The following SH3D19 variants were observed in gnomAD, a reference collection of about 807,000 sequenced individuals.
The protein encoded by SH3D19 is SH3 domain-containing protein 19.
Under a neutral mutation model 112.1 loss-of-function variants are expected in SH3D19, and 58 were observed. The ratio of observed to expected loss-of-function variants is 0.52; its 90% CI spans 0.42 to 0.64. SH3D19 has a LOEUF of 0.64. SH3D19 is among the 30% of genes least tolerant of loss of function. The pLI is 0.00. For missense variants in SH3D19, 1,090 were observed against 1,263.4 expected (o/e 0.86, Z 2.08); for synonymous variants, 391 against 448.5 (o/e 0.87, Z 1.62).
chr4:151,277,117 C>T, intron 1 of SH3D19: 1 of 1,318,406 alleles, frequency 7.6e-7, no homozygotes, highest in African/African-American at 1.5e-5. Flanking sequence ...TTGGCCTCTT[C>T]CTGGGAGCCT....
At position 151,252,042 on chromosome 4, in the gene SH3D19, T is replaced by C. The variant is rs796417617; in HGVS notation, c.113-25956A>G. On this transcript the variant is annotated intron_variant, in intron 1 of 19. Coordinates refer to ENST00000604030, the MANE Select transcript of SH3D19 (RefSeq NM_001378122.1). ...TGTGCCCATTGCCTTTGTTCCTGTGTAGGAAAATCCGTCTGTGTTCCAATC... is the reference window on the plus strand; with the variant it reads ...TGTGCCCATTGCCTTTGTTCCTGTGCAGGAAAATCCGTCTGTGTTCCAATC... Among the ~76,000 whole-genome samples, 6 of 152,202 alleles carry C rather than the reference T, an allele frequency of 3.9e-5. No homozygotes were observed. In the South Asian group the frequency reaches 8.3e-4, roughly 21 times the overall value.
Position 151,128,156 on chromosome 4 carries a change from T to C in SH3D19, c.2929+14A>G, listed in dbSNP as rs755299460. ...CCCGTGAGGAGTCGCATTCATGTCT[T>C]GCGGTTGTCATACCTGGGCAGGGCC... On this transcript the variant is annotated intron_variant, in intron 18 of 19. Coordinates refer to ENST00000604030, the MANE Select transcript of SH3D19 (RefSeq NM_001378122.1). The C allele has an allele frequency of 1.1e-4, 169 of 1,583,386 alleles. No homozygotes were observed. The highest frequency in any genetic ancestry group is 1.1e-5 in the Non-Finnish European group (13 of 1,165,056).
intron 1 of SH3D19, among the ~76,000 whole-genome samples, chr4:151,284,601 T>C (rs1459525639): frequency 6.6e-6 from 1 of 152,222 alleles, no homozygotes; most frequent in African/African-American, 2.4e-5. Flanking sequence ...CTTTTTCTCA[T>C]GAGTAGCATT....
At chr4:151,262,745 T>G (rs1481428205) in intron 1 of SH3D19, 1 of 151,956 alleles carries the variant, frequency 6.6e-6, no homozygotes, top group Admixed American at 6.6e-5. Flanking sequence ...TGTGTCAAGT[T>G]GAAGATTTCT....
chr4:151,156,343 C>G (rs1055676720), intron 9 of SH3D19, among the ~76,000 whole-genome samples: 1 of 152,058 alleles, frequency 6.6e-6, no homozygotes. Flanking sequence ...TGTACGGAAC[C>G]GCAAAAGGCC....
chr4:151,169,586 T>C (rs1210071092), intron 7 of SH3D19, among the ~76,000 whole-genome samples: 1 of 152,198 alleles, frequency 6.6e-6, no homozygotes, highest in African/African-American at 2.4e-5. Context: ...GTTCACTTTT[T>C]ATGTCTTTTC....
At chr4:151,322,497 TGCC>T in intron 1 of SH3D19, among the ~76,000 whole-genome samples, 1 of 96,304 alleles carries the variant, frequency 1.0e-5, no homozygotes, top group South Asian at 3.3e-4. Flanking sequence ...CCTATAATTC[TGCC>T]AAAAAAAAAA....
intron 1 of SH3D19, among the ~76,000 whole-genome samples, chr4:151,244,028 C>G (rs539390473): frequency 6.6e-6 from 1 of 152,292 alleles, no homozygotes; most frequent in South Asian, 2.1e-4. Context: ...AAAGCATTAT[C>G]AGGTGTTGAT....
intron 1 of SH3D19, among the ~76,000 whole-genome samples, chr4:151,286,196 A>C (rs1176782884): frequency 6.7e-6 from 1 of 150,052 alleles, no homozygotes; most frequent in South Asian, 2.1e-4. Flanking sequence ...AAAAAAAAAA[A>C]AAAAAAAACA....
chr4:151,144,049 C>A lies in SH3D19; in HGVS notation c.2084G>T (p.Arg695Leu), dbSNP rs75521643. ...PGHPLYSKYM[R>L]GDVLVMLKQT... is the part of the protein sequence containing the mutation. Reference sequence around the variant, plus strand: ...CTTCAGCATCACAAGTACATCCCCACGCTGCAAGGTACAATACCACTCTCT... The same window carrying A: ...CTTCAGCATCACAAGTACATCCCCAAGCTGCAAGGTACAATACCACTCTCT... The change falls in exon 12 of 20, where the codon CGT (arginine) becomes CTT (leucine). Residue 695 changes from arginine to leucine, a missense_variant and splice_region_variant. Physicochemically the swap from Arg to Leu is moderately radical, Grantham distance 102. Transcript: ENST00000604030. 1.9e-6 allele frequency: 3 copies of A among 1,613,368 alleles called. No individual in the cohort carries two copies. The highest frequency in any genetic ancestry group is 1.7e-5 in the Admixed American group (1 of 59,816).
chr4:151,262,128 C>G (rs17027491), intron 1 of SH3D19, among the ~76,000 whole-genome samples: 1 of 152,226 alleles, frequency 6.6e-6, no homozygotes, highest in East Asian at 1.9e-4. Flanking sequence ...CAACTGCCCA[C>G]GGTCTTGTTC....
intron 3 of SH3D19, among the ~76,000 whole-genome samples, chr4:151,179,885 T>A (rs770475531): frequency 1.3e-5 from 2 of 152,228 alleles, no homozygotes; most frequent in Non-Finnish European, 2.9e-5. Context: ...TAAGTTGTTT[T>A]ATTATTTATT....
intron 8 of SH3D19, among the ~76,000 whole-genome samples, chr4:151,164,484 A>T (rs917067365): frequency 1.3e-5 from 2 of 152,276 alleles, no homozygotes; most frequent in South Asian, 4.1e-4. Flanking sequence ...TGAAGTACTT[A>T]TTAAAGCTCC....
chr4:151,305,124 C>T (rs1328744066), intron 1 of SH3D19, among the ~76,000 whole-genome samples: 1 of 152,166 alleles, frequency 6.6e-6, no homozygotes, highest in Non-Finnish European at 1.5e-5. Flanking sequence ...TAACAAGCAG[C>T]AATAACAAAC....
At chr4:151,185,540 C>A (rs1761649394) in intron 3 of SH3D19, among the ~76,000 whole-genome samples, 1 of 152,146 alleles carries the variant, frequency 6.6e-6, no homozygotes, top group African/African-American at 2.4e-5. Flanking sequence ...CCACCCACAA[C>A]CCAAGGGTTA....
intron 9 of SH3D19, among the ~76,000 whole-genome samples, chr4:151,153,970 CT>C (rs1283406514): frequency 6.6e-6 from 1 of 151,314 alleles, no homozygotes; most frequent in Non-Finnish European, 1.5e-5. Flanking sequence ...CTTTTCTTTT[CT>C]TTTTTTCTGA....
At chr4:151,195,184 C>T (rs1170264101) in intron 2 of SH3D19, among the ~76,000 whole-genome samples, 1 of 150,532 alleles carries the variant, frequency 6.6e-6, no homozygotes, top group Non-Finnish European at 1.5e-5. Context: ...TCCTGGCTAA[C>T]ATGGTGAAAC....
At chr4:151,254,918 C>T (rs1213672605) in intron 1 of SH3D19, among the ~76,000 whole-genome samples, 1 of 150,582 alleles carries the variant, frequency 6.6e-6, no homozygotes, top group African/African-American at 2.4e-5. Context: ...CGCCCCTCAC[C>T]TCCCGGGAGG....
chr4:151,149,316 G>A (rs1320102789), intron 10 of SH3D19, among the ~76,000 whole-genome samples, 184 bp downstream of exon 10: 1 of 152,106 alleles, frequency 6.6e-6, no homozygotes, highest in African/African-American at 2.4e-5. Context: ...TGTTAAAAAG[G>A]GAGCAGAGAT....
Sources: allele counts gnomAD v4.1 joint callset (sites outside exome capture counted in the v4.1 genomes callset), GRCh38; gene constraint gnomAD v4.1.1; transcripts MANE v1.5; gene names NCBI Gene and HGNC (gene_info 2026-07-23, HGNC 2026-07-21).